The following RBFOX1 variants were observed in gnomAD, a reference collection of about 807,000 sequenced individuals.
RBFOX1 encodes RNA binding fox-1 homolog 1, also known as RNA binding protein fox-1 homolog 1.
RBFOX1 carries 8 observed loss-of-function variants against 57.7 expected under a neutral mutation model. The observed-to-expected ratio is 0.14, with a 90% CI of 0.08 to 0.25. RBFOX1 has a LOEUF of 0.25. Ranked by LOEUF, RBFOX1 falls within the 10% of genes least tolerant of loss-of-function variation. The pLI is 1.00. For missense variants in RBFOX1, 611 were observed against 548.5 expected (o/e 1.11, Z -1.14); for synonymous variants, 326 against 222.4 (o/e 1.47, Z -4.15).
chr16:5,620,343 A>G (rs929874935), intron 3 of RBFOX1, among the ~76,000 whole-genome samples: 15 of 152,098 alleles, frequency 9.9e-5, no homozygotes, highest in African/African-American at 3.4e-4. Context: ...GAGAGACATC[A>G]CATTGTTGCC....
intron 3 of RBFOX1, among the ~76,000 whole-genome samples, chr16:5,709,809 T>TCATATATA (rs1555506306): frequency 6.9e-5 from 1 of 14,460 alleles, no homozygotes; most frequent in Non-Finnish European, 1.4e-4. Context: ...ATCAGTTTCT[T>TCATATATA]TATATATATA....
chr16:6,108,959 C>G (rs2096413478), intron 1 of RBFOX1, among the ~76,000 whole-genome samples: 1 of 152,188 alleles, frequency 6.6e-6, no homozygotes, highest in Admixed American at 6.5e-5. Context: ...ATCTCATCTA[C>G]AAAGACCCTT....
chr16:7,122,701 A>G (rs2067469382), intron 4 of RBFOX1, among the ~76,000 whole-genome samples: 2 of 152,172 alleles, frequency 1.3e-5, no homozygotes, highest in Non-Finnish European at 2.9e-5. Flanking sequence ...CATAGAGCCT[A>G]GCAATCCTAC....
chr16:7,609,808 T>A (rs1050001740), intron 10 of RBFOX1, among the ~76,000 whole-genome samples: 1 of 148,296 alleles, frequency 6.7e-6, no homozygotes, highest in African/African-American at 2.4e-5. Flanking sequence ...TGGGGTTTTG[T>A]TTGTTTGTTT....
chr16:6,294,160 C>T (rs778504896), intron 1 of RBFOX1, among the ~76,000 whole-genome samples: 64 of 152,132 alleles, frequency 4.2e-4, no homozygotes, highest in Admixed American at 8.5e-4. Context: ...CCAGCCTGAG[C>T]GACAGAGTGA....
chr16:5,748,491 A>G (rs1425305925), intron 3 of RBFOX1, among the ~76,000 whole-genome samples: 1 of 152,064 alleles, frequency 6.6e-6, no homozygotes, highest in Non-Finnish European at 1.5e-5. Flanking sequence ...GTCTCCCATT[A>G]TTATTGTGTG....
chr16:5,339,279 C>T (rs1377397650), intron 1 of RBFOX1, among the ~76,000 whole-genome samples: 1 of 152,028 alleles, frequency 6.6e-6, no homozygotes, highest in Non-Finnish European at 1.5e-5. Flanking sequence ...TCTGCCCCCG[C>T]TGCCGCTTGG....
chr16:7,656,287 G>A (rs1255971166), intron 12 of RBFOX1, among the ~76,000 whole-genome samples: 3 of 152,136 alleles, frequency 2.0e-5, no homozygotes, highest in Admixed American at 1.3e-4. Flanking sequence ...CAGACTCCTG[G>A]GAATGAATTG....
intron 4 of RBFOX1, among the ~76,000 whole-genome samples, chr16:7,215,999 A>G (rs953859928): frequency 6.6e-6 from 1 of 152,196 alleles, no homozygotes; most frequent in African/African-American, 2.4e-5. Context: ...CTGAGATTAC[A>G]GGCGTGAGCC....
intron 3 of RBFOX1, among the ~76,000 whole-genome samples, chr16:6,943,519 T>A (rs986988494): frequency 6.6e-6 from 1 of 151,998 alleles, no homozygotes; most frequent in East Asian, 1.9e-4. Context: ...CCATCCTGAC[T>A]AACATGGTGA....
intron 3 of RBFOX1, among the ~76,000 whole-genome samples, chr16:6,775,056 T>A (rs752272910): frequency 2.0e-5 from 3 of 151,572 alleles, no homozygotes; most frequent in Non-Finnish European, 4.4e-5. Context: ...CAGGGCGCAG[T>A]GGCTCACGCC....
intron 1 of RBFOX1, among the ~76,000 whole-genome samples, chr16:5,350,565 C>T (rs1277070314): frequency 1.3e-5 from 2 of 152,160 alleles, no homozygotes; most frequent in African/African-American, 4.8e-5. Flanking sequence ...CTCAGTCCTC[C>T]TTTAAAATGC....
At chr16:7,163,055 T>C (rs542966492) in intron 4 of RBFOX1, among the ~76,000 whole-genome samples, 4 of 152,360 alleles carry the variant, frequency 2.6e-5, no homozygotes, top group African/African-American at 9.6e-5. Context: ...GCAGGTATTA[T>C]GCCCATCTTG....
intron 4 of RBFOX1, among the ~76,000 whole-genome samples, chr16:7,219,700 C>T (rs1454780552): frequency 3.3e-5 from 5 of 152,118 alleles, no homozygotes; most frequent in Admixed American, 2.6e-4. Context: ...CTGAGTACAC[C>T]CTGGAAACAG....
downstream of RBFOX1, chr16:5,601,220 G>C (rs1165346519): frequency 6.6e-6 from 1 of 152,404 alleles, no homozygotes; most frequent in African/African-American, 2.4e-5. Context: ...GTCTGGCTCA[G>C]GGTCCCATGT....
chr16:5,739,252 A>G (rs2052690109), intron 3 of RBFOX1, among the ~76,000 whole-genome samples: 1 of 152,234 alleles, frequency 6.6e-6, no homozygotes, highest in Non-Finnish European at 1.5e-5. Context: ...CTTGGCGTCC[A>G]ATATGGATAT....
chr16:5,256,023 A>T (rs898008328), intron 1 of RBFOX1, among the ~76,000 whole-genome samples: 4 of 152,074 alleles, frequency 2.6e-5, no homozygotes, highest in Non-Finnish European at 4.4e-5. Flanking sequence ...AGGTTTTACT[A>T]TTCATTATTA....
At chr16:6,845,583 C>G (rs188439958) in intron 3 of RBFOX1, among the ~76,000 whole-genome samples, 8 of 152,210 alleles carry the variant, frequency 5.3e-5, no homozygotes, top group African/African-American at 1.9e-4. Context: ...GTTATTGTAG[C>G]CTTGTAGGTA....
At chr16:5,718,295 C>A (rs917214118) in intron 3 of RBFOX1, among the ~76,000 whole-genome samples, 1 of 152,312 alleles carries the variant, frequency 6.6e-6, no homozygotes, top group African/African-American at 2.4e-5. Context: ...CAGTGAGAAG[C>A]ACAACCAGAC....
Sources: allele counts gnomAD v4.1 joint callset (sites outside exome capture counted in the v4.1 genomes callset), GRCh38; gene constraint gnomAD v4.1.1; transcripts MANE v1.5; gene names NCBI Gene and HGNC (gene_info 2026-07-23, HGNC 2026-07-21).